Variants in LRRC37B observed in about 807,000 individuals in gnomAD.
LRRC37B encodes leucine-rich repeat-containing protein 37B.
Under a neutral mutation model 98.3 loss-of-function variants are expected in LRRC37B, and 28 were observed. The observed-to-expected ratio is 0.28, with a 90% CI of 0.21 to 0.39. The LOEUF is 0.39. LRRC37B is among the 10% of genes least tolerant of loss of function. LRRC37B has a pLI of 1.00. For missense variants in LRRC37B, 938 were observed against 1,182.7 expected, an observed-to-expected ratio of 0.79 and a Z score of 3.03; for synonymous variants, 364 against 442.7, an observed-to-expected ratio of 0.82 and a Z score of 2.23.
chr17:32,015,714 G>A (rs1209004933), intron 1 of LRRC37B, among the ~76,000 whole-genome samples: 2 of 152,122 alleles, frequency 1.3e-5, no homozygotes, highest in African/African-American at 4.8e-5. Flanking sequence ...TGCCCTCGGC[G>A]GGTACTTTTG....
At chr17:32,053,224 T>G (rs1232408858) in intron 11 of LRRC37B, 42 bp from the exon 15 acceptor site, 3 of 1,388,534 alleles carry the variant, frequency 2.2e-6, no homozygotes, top group African/African-American at 1.4e-5. Context: ...AGATAGTGGT[T>G]GTTGTGATAG....
At chr17:32,009,074 C>T (rs575583666) in intron 1 of LRRC37B, among the ~76,000 whole-genome samples, 10 of 152,136 alleles carry the variant, frequency 6.6e-5, no homozygotes, top group Middle Eastern at 3.4e-3. Context: ...TCCGGTTGCC[C>T]TGTATCCTCC....
intron 9 of LRRC37B, among the ~76,000 whole-genome samples, chr17:32,048,513 C>T (rs945528800): frequency 6.6e-6 from 1 of 150,554 alleles, no homozygotes; most frequent in Non-Finnish European, 1.5e-5. Flanking sequence ...CCTGCAAAAG[C>T]CCTACCTCAG....
chr17:32,039,599 TA>T, intron 7 of LRRC37B, among the ~76,000 whole-genome samples: 1 of 135,932 alleles, frequency 7.4e-6, no homozygotes, highest in Admixed American at 8.0e-5. Context: ...TATTTATATA[TA>T]TTATATATAT....
At chr17:32,040,437 G>A (rs1911391799) in intron 7 of LRRC37B, 1 of 557,274 alleles carries the variant, frequency 1.8e-6, no homozygotes, top group East Asian at 3.9e-5. Context: ...GAGGCAGCCT[G>A]TCGGTTGCAG....
intron 5 of LRRC37B, among the ~76,000 whole-genome samples, chr17:32,033,669 G>T (rs1164306429): frequency 6.6e-6 from 1 of 152,172 alleles, no homozygotes; most frequent in Non-Finnish European, 1.5e-5. Context: ...CTCACTGTAA[G>T]AATTATTATT....
intron 7 of LRRC37B, among the ~76,000 whole-genome samples, chr17:32,045,219 G>T (rs772084299): frequency 1.3e-5 from 2 of 151,978 alleles, no homozygotes; most frequent in Non-Finnish European, 2.9e-5. Context: ...TCCAGATTTG[G>T]CCAATGCAAT....
chr17:32,045,955 C>T (rs1052507284), intron 8 of LRRC37B, 137 bp downstream of exon 11: 1 of 968,614 alleles, frequency 1.0e-6, no homozygotes, highest in African/African-American at 1.6e-5. Flanking sequence ...ACTCCCTCAA[C>T]TTCTGAATGA....
chr17:32,051,723 T>G (rs1447913328), intron 11 of LRRC37B: 2 of 152,192 alleles, frequency 1.3e-5, no homozygotes, highest in Non-Finnish European at 2.9e-5. Flanking sequence ...CACCAAAAAC[T>G]ATCTTGGGAT....
chr17:32,026,280 C>T (rs533464257), intron 2 of LRRC37B, among the ~76,000 whole-genome samples: 51 of 152,256 alleles, frequency 3.3e-4, no homozygotes, highest in African/African-American at 1.2e-3. Flanking sequence ...CTCGGGAGTT[C>T]GAGGCAGGTG....
At chr17:32,013,161 A>T (rs1016816477) in intron 1 of LRRC37B, among the ~76,000 whole-genome samples, 3 of 152,086 alleles carry the variant, frequency 2.0e-5, no homozygotes, top group Admixed American at 6.6e-5. Flanking sequence ...ATATCATGAT[A>T]TTCGTTTACT....
intron 2 of LRRC37B, among the ~76,000 whole-genome samples, chr17:32,026,060 T>C (rs556299272): frequency 2.4e-4 from 37 of 152,244 alleles, no homozygotes; most frequent in Non-Finnish European, 4.3e-4. Context: ...TCCTGTTGAA[T>C]TGTTTTATCG....
intron 7 of LRRC37B, among the ~76,000 whole-genome samples, chr17:32,038,081 C>T (rs1232647122): frequency 6.6e-6 from 1 of 151,804 alleles, no homozygotes; most frequent in Middle Eastern, 3.4e-3. Context: ...GAGCAGAGAT[C>T]ACGCCACTGC....
chr17:32,021,960 C>G (rs1249852209), exon 1 of LRRC37B: 4 of 1,614,060 alleles, frequency 2.5e-6, no homozygotes, highest in South Asian at 1.1e-5. Flanking sequence ...TCCAGAGACC[C>G]TTGAAGACAT....
exon 10 of LRRC37B, chr17:32,049,249 T>C (rs2627107): frequency 0.024 from 36,996 of 1,537,122 alleles, 2,634 homozygotes; most frequent in East Asian, 0.11. Context: ...AAGCTCATGT[T>C]GCGAACAGGC....
At chr17:32,051,544 G>C (rs1375742458) in intron 11 of LRRC37B, 1 of 150,792 alleles carries the variant, frequency 6.6e-6, no homozygotes, top group Non-Finnish European at 1.5e-5. Context: ...CCTGAGCCTA[G>C]TCCCTTTTTG....
chr17:32,016,407 AT>A (rs1209344392), upstream of LRRC37B, among the ~76,000 whole-genome samples: 1 of 151,822 alleles, frequency 6.6e-6, no homozygotes, highest in African/African-American at 2.4e-5. Context: ...CTTCCTTAGC[AT>A]TTTCTTTTGT....
exon 1 of LRRC37B, chr17:32,021,070 C>T (rs778117858): frequency 6.2e-7 from 1 of 1,611,882 alleles, no homozygotes; most frequent in Non-Finnish European, 8.5e-7. Flanking sequence ...CAGGGCATGG[C>T]ACACGCTTAT....
chr17:32,026,073 T>G (rs545624947), intron 2 of LRRC37B, among the ~76,000 whole-genome samples: 166 of 152,368 alleles, frequency 1.1e-3, no homozygotes, highest in African/African-American at 3.9e-3. Context: ...TTTTATCGTT[T>G]TCTTCCTGAT....
Sources: gnomAD v4.1 joint callset for allele counts (sites outside exome capture counted in the v4.1 genomes callset) on GRCh38, gnomAD v4.1.1 for gene constraint, MANE v1.5 for transcripts, NCBI Gene and HGNC (gene_info 2026-07-23, HGNC 2026-07-21) for gene names.